HECW2: variants seen among roughly 807,000 people sequenced by gnomAD.
HECW2 encodes E3 ubiquitin-protein ligase HECW2.
Under a neutral mutation model 175.2 loss-of-function variants are expected in HECW2, and 61 were observed. The observed-to-expected ratio is 0.35, with a 90% confidence interval of 0.28 to 0.43. The LOEUF is 0.43. Among genes scored for constraint, HECW2 ranks in the 20% least tolerant of loss-of-function variants. The pLI is 1.00. For synonymous variants in HECW2, 671 were observed against 731.0 expected (o/e 0.92, Z 1.32); for missense variants, 1,524 against 2,000.5 (o/e 0.76, Z 4.54).
intron 12 of HECW2, 25 bp from the exon 13 acceptor site, chr2:196,306,637 G>T (rs1018749212): frequency 6.3e-7 from 1 of 1,581,206 alleles, no homozygotes; most frequent in Non-Finnish European, 8.6e-7. Context: ...CCACAGAGGC[G>T]GTCAGGGAAA....
At chr2:196,405,533 T>C (rs1306298319) in intron 2 of HECW2, among the ~76,000 whole-genome samples, 1 of 152,194 alleles carries the variant, frequency 6.6e-6, no homozygotes, top group Non-Finnish European at 1.5e-5. Flanking sequence ...TTTGCTCTTC[T>C]GGATGAAATG....
At chr2:196,214,423 T>C (rs1185410805) in intron 28 of HECW2, among the ~76,000 whole-genome samples, 1 of 152,236 alleles carries the variant, frequency 6.6e-6, no homozygotes, top group African/African-American at 2.4e-5. Context: ...TGACCATTAA[T>C]CTACCCTTTC....
At chr2:196,401,976 G>A (rs534673065) in intron 2 of HECW2, among the ~76,000 whole-genome samples, 23 of 151,994 alleles carry the variant, frequency 1.5e-4, no homozygotes, top group East Asian at 5.8e-4. Flanking sequence ...TGAGGCGGGC[G>A]GATCACAAGG....
chr2:196,247,334 C>A (rs1340936453), intron 19 of HECW2, among the ~76,000 whole-genome samples: 1 of 152,070 alleles, frequency 6.6e-6, no homozygotes, highest in Non-Finnish European at 1.5e-5. Context: ...GGTATAATTG[C>A]CAAGAAATTC....
At position 196,246,581 on chromosome 2, in the gene HECW2, G is replaced by A. The variant is rs554814784; in HGVS notation, c.3530-4377C>T. Reference sequence around the variant, plus strand: ...TTTTTTGTATTTTTTTAGTAGAGACGGGGTTTCACCATGTTAGCCAGGATG... The same window carrying A: ...TTTTTTGTATTTTTTTAGTAGAGACAGGGTTTCACCATGTTAGCCAGGATG... On this transcript the variant is annotated intron_variant, in intron 19 of 28. Coordinates refer to ENST00000644978, the MANE Select transcript of HECW2 (RefSeq NM_001348768.2). Among the ~76,000 whole-genome samples the A allele has an allele frequency of 8.8e-4, 134 of 151,878 alleles. 1 individual carries two copies. The highest frequency in any genetic ancestry group is 3.4e-3 in the Middle Eastern group (1 of 294).
chr2:196,584,173 C>T (rs1319041016), intron 1 of HECW2, among the ~76,000 whole-genome samples: 1 of 152,208 alleles, frequency 6.6e-6, no homozygotes, highest in African/African-American at 2.4e-5. Context: ...CAATGGAGAC[C>T]TGGGGCCTGA....
chr2:196,423,846 T>C (rs1695471206), intron 2 of HECW2, among the ~76,000 whole-genome samples: 1 of 152,104 alleles, frequency 6.6e-6, no homozygotes, highest in African/African-American at 2.4e-5. Context: ...CTTCATTTCC[T>C]TTGGATATGT....
chr2:196,404,501 T>C (rs779288665), intron 2 of HECW2, among the ~76,000 whole-genome samples: 7 of 152,198 alleles, frequency 4.6e-5, no homozygotes, highest in Non-Finnish European at 1.0e-4. Context: ...AACTTCAGAA[T>C]TAGTGTCACT....
At chr2:196,285,247 CTCAACAAA>C (rs1176957601) in intron 14 of HECW2, among the ~76,000 whole-genome samples, 2 of 152,124 alleles carry the variant, frequency 1.3e-5, no homozygotes, top group Admixed American at 1.3e-4. Flanking sequence ...CAACCTCAGG[CTCAACAAA>C]TCTAAGTTAA....
At position 196,345,504 on chromosome 2, in the gene HECW2, T is replaced by C. The variant is rs1692923775; in HGVS notation, c.293-1740A>G. Among the ~76,000 whole-genome samples the C allele has an allele frequency of 1.3e-5, 2 of 152,178 alleles. 1 individual carries two copies. Among genetic ancestry groups the C allele is most frequent in the African/African-American group, 4.8e-5 (2 of 41,442 alleles). On this transcript the variant is annotated intron_variant, in intron 2 of 28. Coordinates refer to ENST00000644978, the MANE Select transcript of HECW2 (RefSeq NM_001348768.2). ...TAATAAGAAAAGGACAAACTCAACA[T>C]CCTTTTGCTCTTCCCTGTCCCCTCT... is the stretch of plus-strand genomic sequence containing the variant.
intron 2 of HECW2, among the ~76,000 whole-genome samples, chr2:196,402,950 G>A (rs370353432): frequency 6.6e-6 from 1 of 152,096 alleles, no homozygotes; most frequent in South Asian, 2.1e-4. Flanking sequence ...GGGATTACAG[G>A]CGCGCACTAC....
At chr2:196,580,283 G>A (rs1690723613) in intron 1 of HECW2, among the ~76,000 whole-genome samples, 1 of 151,968 alleles carries the variant, frequency 6.6e-6, no homozygotes, top group African/African-American at 2.4e-5. Context: ...GATCAACAAG[G>A]ACAGTTATAA....
At position 196,369,237 on chromosome 2, in the gene HECW2, C is replaced by G. The variant is rs541192344; in HGVS notation, c.293-25473G>C. ...AGTAACAGCGTGAGTCTTGCAGACTCCTATAGGTACCACCTTGGTAGTCTT... is the reference window on the plus strand; with the variant it reads ...AGTAACAGCGTGAGTCTTGCAGACTGCTATAGGTACCACCTTGGTAGTCTT... On this transcript the variant is annotated intron_variant, in intron 2 of 28. Transcript: ENST00000644978. 5.9e-5 allele frequency among the ~76,000 whole-genome samples: 9 copies of G among 152,250 alleles called. No individual in the cohort carries two copies. The South Asian group carries it at 1.9e-3, about 32-fold the overall frequency.
chr2:196,401,980 C>G (rs1046955797), intron 2 of HECW2, among the ~76,000 whole-genome samples: 6 of 151,726 alleles, frequency 4.0e-5, no homozygotes, highest in Admixed American at 2.0e-4. Context: ...GCGGGCGGAT[C>G]ACAAGGTCAG....
chr2:196,413,804 T>G (rs1466917851), intron 2 of HECW2, among the ~76,000 whole-genome samples: 3 of 152,234 alleles, frequency 2.0e-5, no homozygotes, highest in Non-Finnish European at 4.4e-5. Context: ...GAGCTCTCCC[T>G]GTATTCTCTG....
At chr2:196,474,409 T>A (rs920065221) in intron 1 of HECW2, among the ~76,000 whole-genome samples, 2 of 152,200 alleles carry the variant, frequency 1.3e-5, no homozygotes, top group Non-Finnish European at 2.9e-5. Context: ...ACCACAAATA[T>A]CATTAGTCAT....
In HECW2 at chr2:196,507,798, C is replaced by T. The variant is rs116638802; in HGVS notation, c.-35-74340G>A. Among the ~76,000 whole-genome samples the T allele has an allele frequency of 5.0e-3, 766 of 152,294 alleles. 7 individuals are homozygous for T. Among genetic ancestry groups the T allele is most frequent in the African/African-American group, 0.017 (723 of 41,560 alleles). On this transcript the variant is annotated intron_variant, in intron 1 of 28. Coordinates refer to ENST00000644978, the MANE Select transcript of HECW2 (RefSeq NM_001348768.2). Reference sequence around the variant, plus strand: ...CATGATTGGGAGAGAGAATGCTCTACGGGTGTGTTCCTCCCCCAGTGGAAT... The same window carrying T: ...CATGATTGGGAGAGAGAATGCTCTATGGGTGTGTTCCTCCCCCAGTGGAAT...
At chr2:196,477,735 C>A (rs1420136369) in intron 1 of HECW2, among the ~76,000 whole-genome samples, 6 of 152,146 alleles carry the variant, frequency 3.9e-5, no homozygotes, top group African/African-American at 9.7e-5. Flanking sequence ...ACAAGGACCA[C>A]CCCTGTCTTC....
chr2:196,366,035 A>T (rs1693734668), intron 2 of HECW2, among the ~76,000 whole-genome samples: 1 of 152,174 alleles, frequency 6.6e-6, no homozygotes, highest in Non-Finnish European at 1.5e-5. Context: ...CATTCACTAA[A>T]TGTCAAGAAT....
Sources: gnomAD v4.1 joint callset for allele counts (sites outside exome capture counted in the v4.1 genomes callset) on GRCh38, gnomAD v4.1.1 for gene constraint, MANE v1.5 for transcripts, NCBI Gene and HGNC (gene_info 2026-07-23, HGNC 2026-07-21) for gene names.